NELL1: variants seen among roughly 807,000 people sequenced by gnomAD.
NELL1 encodes neural EGFL like 1, also known as protein kinase C-binding protein NELL1.
NELL1 carries 76 observed loss-of-function variants against 107.4 expected under a neutral mutation model. The ratio of observed to expected loss-of-function variants is 0.71; its 90% CI spans 0.59 to 0.86. The LOEUF is 0.86. Ranked by LOEUF, NELL1 falls within the 40% of genes least tolerant of loss-of-function variation. The pLI, the probability that NELL1 is intolerant of heterozygous loss-of-function variation, is 0.00. For missense variants in NELL1, 1,024 were observed against 1,005.5 expected (o/e 1.02, Z -0.25); for synonymous variants, 353 against 341.2 (o/e 1.03, Z -0.38).
intron 9 of NELL1, among the ~76,000 whole-genome samples, chr11:20,932,671 T>C (rs1850643076): frequency 6.6e-6 from 1 of 152,150 alleles, no homozygotes; most frequent in South Asian, 2.1e-4. Context: ...ATTTTACACA[T>C]GAGGAGGTGA....
chr11:21,444,158 C>A (rs542035798), intron 15 of NELL1, among the ~76,000 whole-genome samples: 1 of 152,138 alleles, frequency 6.6e-6, no homozygotes, highest in South Asian at 2.1e-4. Context: ...TTTCACTTAA[C>A]AGGGTATTAT....
At chr11:21,505,764 C>T (rs1855263356) in intron 15 of NELL1, among the ~76,000 whole-genome samples, 1 of 152,154 alleles carries the variant, frequency 6.6e-6, no homozygotes, top group Admixed American at 6.6e-5. Context: ...CTTTAATCAT[C>T]CCCTCTGCTA....
At position 20,760,651 on chromosome 11, in the gene NELL1, C is replaced by G. The variant is rs78470617; in HGVS notation, c.185-23029C>G. 9.5e-3 allele frequency among the ~76,000 whole-genome samples: 1,447 copies of G among 152,244 alleles called. 28 individuals carry two copies. Among genetic ancestry groups the G allele is most frequent in the African/African-American group, 0.033 (1,377 of 41,542 alleles). On this transcript the variant is annotated intron_variant, in intron 2 of 19. Coordinates refer to ENST00000357134, the MANE Select transcript of NELL1 (RefSeq NM_006157.5). ...GGCTTACGGTGATGGATGTCAGCTC[C>G]TAGATCTATCAGGCAAGACCTTGAG...
intron 14 of NELL1, among the ~76,000 whole-genome samples, chr11:21,292,527 C>T (rs1175680959): frequency 6.6e-6 from 1 of 151,754 alleles, no homozygotes; most frequent in Non-Finnish European, 1.5e-5. Context: ...AGATTCAATG[C>T]TCTCCCCATA....
chr11:20,900,356 G>A (rs1849846007), intron 5 of NELL1, among the ~76,000 whole-genome samples: 1 of 152,186 alleles, frequency 6.6e-6, no homozygotes, highest in African/African-American at 2.4e-5. Flanking sequence ...TACAAGCCCA[G>A]CTTAGATTCA....
chr11:21,134,014 C>T (rs976279535), intron 13 of NELL1, among the ~76,000 whole-genome samples: 7 of 152,214 alleles, frequency 4.6e-5, no homozygotes, highest in East Asian at 1.9e-4. Context: ...TCAGACAGGC[C>T]GCAGCTGCCA....
chr11:21,015,646 A>T (rs1321128835), intron 12 of NELL1, among the ~76,000 whole-genome samples: 1 of 151,550 alleles, frequency 6.6e-6, no homozygotes, highest in Non-Finnish European at 1.5e-5. Context: ...AATGGAGTGT[A>T]GGGCCCATTT....
At chr11:20,871,694 C>G (rs547688677) in intron 4 of NELL1, among the ~76,000 whole-genome samples, 3 of 152,112 alleles carry the variant, frequency 2.0e-5, no homozygotes, top group African/African-American at 7.2e-5. Flanking sequence ...AATCCCCTCC[C>G]TATGCCTCTT....
intron 14 of NELL1, among the ~76,000 whole-genome samples, chr11:21,289,836 A>G (rs1157447599): frequency 1.3e-5 from 2 of 152,162 alleles, no homozygotes; most frequent in Admixed American, 6.5e-5. Flanking sequence ...CTGAGGCTTG[A>G]GTAGGCAATT....
intron 1 of NELL1, among the ~76,000 whole-genome samples, chr11:20,672,269 C>T (rs1853932495): frequency 6.6e-6 from 1 of 152,196 alleles, no homozygotes; most frequent in African/African-American, 2.4e-5. Flanking sequence ...TATCAGCATC[C>T]AAACAGCTGC....
chr11:21,360,399 G>A (rs1399614777), intron 14 of NELL1, among the ~76,000 whole-genome samples: 1 of 151,978 alleles, frequency 6.6e-6, no homozygotes, highest in Admixed American at 6.6e-5. Context: ...AACTTGTTTT[G>A]TGGCCTATCA....
At chr11:20,882,980 T>G (rs900683149) in intron 4 of NELL1, among the ~76,000 whole-genome samples, 1 of 152,238 alleles carries the variant, frequency 6.6e-6, no homozygotes, top group Non-Finnish European at 1.5e-5. Context: ...CATGATTAGA[T>G]TTCCTCCTCC....
intron 2 of NELL1, among the ~76,000 whole-genome samples, chr11:20,698,494 T>C (rs1248057472): frequency 6.6e-6 from 1 of 152,218 alleles, no homozygotes; most frequent in Non-Finnish European, 1.5e-5. Flanking sequence ...CAATTTCATC[T>C]GAACAAATTA....
chr11:21,233,147 C>T (rs890321848), intron 14 of NELL1, among the ~76,000 whole-genome samples: 1 of 152,128 alleles, frequency 6.6e-6, no homozygotes, highest in African/African-American at 2.4e-5. Context: ...GTGGTCGATG[C>T]CCATGTAAGG....
chr11:21,535,352 G>T (rs1856107910), intron 16 of NELL1, among the ~76,000 whole-genome samples: 1 of 152,100 alleles, frequency 6.6e-6, no homozygotes, highest in South Asian at 2.1e-4. Context: ...TCTGACCTTG[G>T]GCTCCCAAAG....
intron 12 of NELL1, among the ~76,000 whole-genome samples, chr11:21,034,605 C>T (rs1479387840): frequency 6.6e-6 from 1 of 152,074 alleles, no homozygotes; most frequent in African/African-American, 2.4e-5. Flanking sequence ...TACTCAAAAC[C>T]ATACAGTTAC....
intron 14 of NELL1, among the ~76,000 whole-genome samples, chr11:21,256,129 G>A (rs1281523968): frequency 6.6e-6 from 1 of 151,906 alleles, no homozygotes; most frequent in Non-Finnish European, 1.5e-5. Flanking sequence ...TCCATAAAGA[G>A]CATTCAGTGA....
intron 2 of NELL1, among the ~76,000 whole-genome samples, chr11:20,767,848 T>C (rs1372638666): frequency 6.6e-6 from 1 of 152,234 alleles, no homozygotes; most frequent in African/African-American, 2.4e-5. Context: ...ATGAAGCCTA[T>C]ATTCTAGCAA....
intron 12 of NELL1, among the ~76,000 whole-genome samples, chr11:20,977,153 T>C (rs147677286): frequency 1.3e-3 from 195 of 152,240 alleles, no homozygotes; most frequent in African/African-American, 3.1e-3. Context: ...CTTAGTATCC[T>C]ATAAACTCTC....
Sources: gnomAD v4.1 joint callset for allele counts (sites outside exome capture counted in the v4.1 genomes callset) on GRCh38, gnomAD v4.1.1 for gene constraint, MANE v1.5 for transcripts, NCBI Gene and HGNC (gene_info 2026-07-23, HGNC 2026-07-21) for gene names.